The following PAX7 variants were observed in gnomAD, a reference collection of about 807,000 sequenced individuals.
The protein encoded by PAX7 is paired box 7, also known as paired box protein Pax-7.
A neutral mutation model predicts 50.7 loss-of-function variants in PAX7; 18 were observed. That is an observed-to-expected ratio of 0.36 (90% CI 0.25 to 0.53). The LOEUF (loss-of-function observed/expected upper bound fraction) is 0.53, where lower values mean the gene tolerates loss of function less well. Among genes scored for constraint, PAX7 ranks in the 20% least tolerant of loss-of-function variants. The pLI, the probability that PAX7 is intolerant of heterozygous loss-of-function variation, is 0.93. For missense variants in PAX7, 644 were observed against 702.9 expected, an observed-to-expected ratio of 0.92 and a Z score of 0.95; for synonymous variants, 310 against 290.4, an observed-to-expected ratio of 1.07 and a Z score of -0.69.
At chr1:18,727,385 C>CAT (rs1382877255) in intron 7 of PAX7, among the ~76,000 whole-genome samples, 1 of 151,180 alleles carries the variant, frequency 6.6e-6, no homozygotes, top group Non-Finnish European at 1.5e-5. Flanking sequence ...CACACACACA[C>CAT]ACACACACAC....
chr1:18,714,905 C>T (rs574237214), intron 7 of PAX7, among the ~76,000 whole-genome samples: 7 of 152,178 alleles, frequency 4.6e-5, no homozygotes, highest in Non-Finnish European at 4.4e-5. Flanking sequence ...GGACTGGGGA[C>T]GAGACAGTAC....
chr1:18,741,025 G>T (rs989408188), intron 8 of PAX7, among the ~76,000 whole-genome samples: 9 of 152,160 alleles, frequency 5.9e-5, no homozygotes, highest in African/African-American at 2.2e-4. Context: ...TTGGTTAATG[G>T]GTGCAAACAT....
chr1:18,633,358 G>T (rs188553523), intron 1 of PAX7, among the ~76,000 whole-genome samples: 39 of 152,308 alleles, frequency 2.6e-4, no homozygotes, highest in Non-Finnish European at 5.0e-4. Context: ...CCAATCTTCT[G>T]TGAGGAAATT....
In PAX7 at chr1:18,702,996, A is replaced by G. The variant is rs186378667; in HGVS notation, c.953-98A>G. 839 of 1,098,048 alleles carry G rather than the reference A, an allele frequency of 7.6e-4. 4 individuals are homozygous for G. The highest frequency in any genetic ancestry group is 5.8e-3 in the South Asian group (408 of 70,438). 68.0% of individuals were successfully genotyped at this position (1,098,048 alleles called of 1,614,324 possible). ...GGTCCCTTCCCTCCAAGGAATGGAG[A>G]CCGGGAGGAGGAGTCTCTTGGCTTG... On this transcript the variant is annotated intron_variant, in intron 6 of 8. Coordinates refer to ENST00000420770, the MANE Select transcript of PAX7 (RefSeq NM_001135254.2).
At chr1:18,653,102 G>A (rs1009866774) in intron 4 of PAX7, among the ~76,000 whole-genome samples, 1 of 152,260 alleles carries the variant, frequency 6.6e-6, no homozygotes, top group South Asian at 2.1e-4. Flanking sequence ...TTTGTCCTGG[G>A]GAATGGCCTT....
chr1:18,654,272 C>T (rs2088478755), intron 4 of PAX7, among the ~76,000 whole-genome samples: 1 of 151,902 alleles, frequency 6.6e-6, no homozygotes, highest in Admixed American at 6.6e-5. Context: ...AGAAAGAACA[C>T]TTCGCTCAAG....
intron 5 of PAX7, among the ~76,000 whole-genome samples, chr1:18,698,475 C>G (rs956235226): frequency 6.6e-6 from 1 of 152,142 alleles, no homozygotes; most frequent in South Asian, 2.1e-4. Flanking sequence ...GCCCAGGAGG[C>G]CTGGGAGAGA....
At chr1:18,652,858 G>A (rs1224694564) in intron 4 of PAX7, among the ~76,000 whole-genome samples, 2 of 152,186 alleles carry the variant, frequency 1.3e-5, no homozygotes, top group African/African-American at 4.8e-5. Context: ...CAGAAACTGA[G>A]CCAGGTGCTC....
At chr1:18,692,053 G>C (rs749452742) in intron 5 of PAX7, 100 bp downstream of exon 5, 7 of 1,088,690 alleles carry the variant, frequency 6.4e-6, no homozygotes, top group Non-Finnish European at 9.3e-6. Flanking sequence ...CCCTCGGGGG[G>C]TTTACAACAG....
At chr1:18,727,667 G>T (rs959140237) in intron 7 of PAX7, among the ~76,000 whole-genome samples, 1 of 152,178 alleles carries the variant, frequency 6.6e-6, no homozygotes. Context: ...ACTGTAAAGT[G>T]CTGTGCTTGT....
intron 4 of PAX7, among the ~76,000 whole-genome samples, chr1:18,675,098 C>A (rs563792978): frequency 6.6e-6 from 1 of 152,254 alleles, no homozygotes; most frequent in Non-Finnish European, 1.5e-5. Flanking sequence ...AGCAAGTCTG[C>A]ACCTCTTTTT....
At chr1:18,677,697 G>A (rs2100257835) in intron 4 of PAX7, among the ~76,000 whole-genome samples, 1 of 152,306 alleles carries the variant, frequency 6.6e-6, no homozygotes, top group South Asian at 2.1e-4. Context: ...TGACTCTGGG[G>A]AAGCTTAATC....
At position 18,676,925 on chromosome 1, in the gene PAX7, G is replaced by A. The variant is rs74658788; in HGVS notation, c.587-14829G>A. The stretch of plus-strand genomic sequence containing the variant: ...GAAGACCCCTTGGTTTTAGGGGTAG[G>A]GAAAATGCAGCTCAGAGAGGGGTTT... On this transcript the variant is annotated intron_variant, in intron 4 of 8. Transcript: ENST00000420770. Among the ~76,000 whole-genome samples the A allele has an allele frequency of 5.7e-4, 87 of 152,278 alleles. 1 individual carries two copies. The East Asian group carries it at 0.016, about 28-fold the overall frequency.
In PAX7 at chr1:18,729,181, A is replaced by G. The variant is rs1288700417; in HGVS notation, c.1156-6451A>G. ...ATTCCTGGCAAGCTGTGTTCTGACA[A>G]TGGGAACAGAGGGCTCTGAAAATAT... is the stretch of plus-strand genomic sequence containing the variant. On this transcript the variant is annotated intron_variant, in intron 7 of 8. Transcript: ENST00000420770. 6.6e-5 allele frequency among the ~76,000 whole-genome samples: 10 copies of G among 152,238 alleles called. 1 individual carries two copies. Among genetic ancestry groups the G allele is most frequent in the Admixed American group, 5.9e-4 (9 of 15,292 alleles).
At chr1:18,667,872 T>G (rs1303727615) in intron 4 of PAX7, among the ~76,000 whole-genome samples, 1 of 152,078 alleles carries the variant, frequency 6.6e-6, no homozygotes, top group Non-Finnish European at 1.5e-5. Flanking sequence ...GTAGGACACA[T>G]GCCCTCTCCC....
Position 18,659,973 on chromosome 1 carries a change from C to A in PAX7, c.586+23602C>A, listed in dbSNP as rs537958151. Among the ~76,000 whole-genome samples, 48 of 152,320 alleles carry A rather than the reference C, an allele frequency of 3.2e-4. No homozygotes were observed. In the South Asian group the frequency reaches 9.9e-3, roughly 32 times the overall value. On this transcript the variant is annotated intron_variant, in intron 4 of 8. Coordinates refer to ENST00000420770, the MANE Select transcript of PAX7 (RefSeq NM_001135254.2). ...GCCCAGCGGGCCATGTGCTCGAGGA[C>A]CTTACCCTTCGGCATCTGCCCCTTG...
intron 5 of PAX7, among the ~76,000 whole-genome samples, chr1:18,695,778 T>C (rs1201640031): frequency 2.6e-5 from 4 of 152,180 alleles, no homozygotes; most frequent in African/African-American, 7.2e-5. Context: ...GAATTTCTTC[T>C]AGAAATAGAG....
At chr1:18,712,134 C>CTGATGGTCGGTGTGAAT (rs2089360227) in intron 7 of PAX7, among the ~76,000 whole-genome samples, 2 of 150,680 alleles carry the variant, frequency 1.3e-5, no homozygotes, top group Non-Finnish European at 3.0e-5. Flanking sequence ...TAGGTGTGAA[C>CTGATGGTCGGTGTGAAT]TGATGGTCAG....
chr1:18,650,895 C>A (rs1185155088), intron 4 of PAX7, among the ~76,000 whole-genome samples: 4 of 152,178 alleles, frequency 2.6e-5, no homozygotes, highest in Non-Finnish European at 5.9e-5. Context: ...ATGCTGGGAA[C>A]AATGGGGCTG....
Sources: allele counts gnomAD v4.1 joint callset (sites outside exome capture counted in the v4.1 genomes callset), GRCh38; gene constraint gnomAD v4.1.1; transcripts MANE v1.5; gene names NCBI Gene and HGNC (gene_info 2026-07-23, HGNC 2026-07-21).